Variants in GABRB3 observed in about 807,000 individuals in gnomAD.
GABRB3 encodes the protein gamma-aminobutyric acid receptor subunit beta-3.
Under a neutral mutation model 52.1 loss-of-function variants are expected in GABRB3, and 14 were observed. The ratio of observed to expected loss-of-function variants is 0.27; its 90% CI spans 0.18 to 0.42. The LOEUF (loss-of-function observed/expected upper bound fraction) is 0.42, where lower values mean the gene tolerates loss of function less well. Among genes scored for constraint, GABRB3 ranks in the 10% least tolerant of loss-of-function variants. The probability of loss-of-function intolerance (pLI) is 1.00; values close to 1 mark genes in which losing one functional copy is unlikely to be tolerated. For missense variants in GABRB3, 307 were observed against 609.1 expected (o/e 0.50, Z 5.22); for synonymous variants, 260 against 232.3 (o/e 1.12, Z -1.08).
At chr15:26,548,198 G>A (rs950713431) in intron 8 of GABRB3, 64 bp from the exon 9 acceptor site, 66 of 1,268,942 alleles carry the variant, frequency 5.2e-5, no homozygotes, top group Non-Finnish European at 6.8e-5. Flanking sequence ...TGCAGATCCC[G>A]GACAGAATGA....
At chr15:26,596,050 G>A (rs72702155) in intron 4 of GABRB3, among the ~76,000 whole-genome samples, 1 of 151,952 alleles carries the variant, frequency 6.6e-6, no homozygotes, top group Admixed American at 6.6e-5. Flanking sequence ...TCAGCCTTTG[G>A]GGGTAGGCAT....
intron 6 of GABRB3, 152 bp from the exon 7 acceptor site, chr15:26,567,885 G>A (rs576521138): frequency 6.9e-6 from 5 of 720,910 alleles, no homozygotes; most frequent in South Asian, 4.9e-5. Context: ...GTCTGCTAGC[G>A]GTATTTATAG....
rs146431931 is a variant in GABRB3, at chr15:26,580,374, C to A, written c.627G>T (p.Pro209=). 1 of 1,614,130 alleles carries A rather than the reference C, an allele frequency of 6.2e-7. No homozygotes were observed. Among genetic ancestry groups the A allele is most frequent in the Non-Finnish European group, 8.5e-7 (1 of 1,180,034 alleles). The part of the protein sequence containing the change: ...AVTGVERIEL[P]QFSIVEHRLV... ...GACGGTGCTCCACGATGGAGAACTG[C>A]GGGAGCTCAATCCTTTCCACTCCGG... The change falls in exon 6 of 9, where the codon CCG becomes CCT. Residue 209 remains proline (P), a synonymous_variant. Coordinates refer to ENST00000311550, the MANE Select transcript of GABRB3 (RefSeq NM_000814.6).
intron 3 of GABRB3, among the ~76,000 whole-genome samples, chr15:26,683,570 G>A (rs1203810070): frequency 1.3e-5 from 2 of 152,236 alleles, no homozygotes; most frequent in Non-Finnish European, 2.9e-5. Context: ...GATTGTCGTA[G>A]CAGAGAAGAC....
intron 3 of GABRB3, among the ~76,000 whole-genome samples, chr15:26,743,272 T>C (rs1246922887): frequency 6.6e-6 from 1 of 152,126 alleles, no homozygotes; most frequent in African/African-American, 2.4e-5. Context: ...AAATAGACAA[T>C]ACTCTTTTCT....
chr15:26,676,528 A>C (rs1888075180), intron 3 of GABRB3, among the ~76,000 whole-genome samples: 1 of 152,218 alleles, frequency 6.6e-6, no homozygotes, highest in Non-Finnish European at 1.5e-5. Context: ...ACAGGGGCAG[A>C]ACTGCCATTT....
rs79240385 is a variant in GABRB3, at chr15:26,565,905, T to C, written c.835+1676A>G. Among the ~76,000 whole-genome samples the C allele has an allele frequency of 8.1e-3, 1,241 of 152,346 alleles. 21 individuals are homozygous for C. The highest frequency in any genetic ancestry group is 0.024 in the African/African-American group (1,001 of 41,582). On this transcript the variant is annotated intron_variant, in intron 7 of 8. Transcript: ENST00000311550. The stretch of plus-strand genomic sequence containing the variant: ...AGGGGTCCCAGCAACTTTGTATTTG[T>C]ATATTTCATATTATTTTTCTTAAAA...
At chr15:26,744,218 T>A (rs4906689) in intron 3 of GABRB3, among the ~76,000 whole-genome samples, 128,277 of 152,154 alleles carry the variant, frequency 0.84, 54,602 homozygotes, top group East Asian at 1. Flanking sequence ...CGGTTGAGTA[T>A]TTGAATTTGA....
At chr15:26,576,132 T>C (rs1298334723) in intron 6 of GABRB3, among the ~76,000 whole-genome samples, 1 of 152,252 alleles carries the variant, frequency 6.6e-6, no homozygotes, top group Non-Finnish European at 1.5e-5. Flanking sequence ...GATTTTTAGC[T>C]GAATATGTTT....
At chr15:26,615,796 G>C (rs1004253896) in intron 4 of GABRB3, 4 of 1,181,258 alleles carry the variant, frequency 3.4e-6, no homozygotes, top group African/African-American at 1.6e-5. Flanking sequence ...GCTACTGCTG[G>C]ATAGACAAGG....
rs148266030 is a variant in GABRB3, at chr15:26,686,227, G to A, written c.241-64693C>T. Among the ~76,000 whole-genome samples, 35 of 152,284 alleles carry A rather than the reference G, an allele frequency of 2.3e-4. No homozygotes were observed. In the East Asian group the frequency reaches 6.4e-3, roughly 28 times the overall value. On this transcript the variant is annotated intron_variant, in intron 3 of 8. Coordinates refer to ENST00000311550, the MANE Select transcript of GABRB3 (RefSeq NM_000814.6). ...CTCAAGTTGCTGGGATTACAGGCGT[G>A]AGCCACTGCACCCAGCTCTAAGCTG...
intron 3 of GABRB3, among the ~76,000 whole-genome samples, chr15:26,757,976 G>A (rs544846052): frequency 6.6e-6 from 1 of 152,080 alleles, no homozygotes; most frequent in African/African-American, 2.4e-5. Context: ...CCATCTCAAC[G>A]GGCTCCACTA....
At chr15:26,656,142 G>A (rs557975617) in intron 3 of GABRB3, among the ~76,000 whole-genome samples, 2 of 152,222 alleles carry the variant, frequency 1.3e-5, no homozygotes, top group African/African-American at 4.8e-5. Context: ...GTCAGGCCGC[G>A]TGGTACAGGT....
At chr15:26,567,884 C>T (rs186769125) in intron 6 of GABRB3, 151 bp from the exon 7 acceptor site, 62 of 727,648 alleles carry the variant, frequency 8.5e-5, no homozygotes, top group African/African-American at 8.4e-4. Flanking sequence ...TGTCTGCTAG[C>T]GGTATTTATA....
At chr15:26,573,247 T>C (rs1184167456) in intron 6 of GABRB3, among the ~76,000 whole-genome samples, 1 of 152,224 alleles carries the variant, frequency 6.6e-6, no homozygotes, top group African/African-American at 2.4e-5. Context: ...ATATGATTCA[T>C]TTATTATCTA....
intron 3 of GABRB3, among the ~76,000 whole-genome samples, chr15:26,670,418 C>T (rs1887859106): frequency 6.6e-6 from 1 of 152,142 alleles, no homozygotes; most frequent in South Asian, 2.1e-4. Flanking sequence ...AGGGTCGTGG[C>T]TGGCTGCGGA....
chr15:26,646,137 A>G (rs9920143), intron 3 of GABRB3, among the ~76,000 whole-genome samples: 63,211 of 151,902 alleles, frequency 0.42, 14,156 homozygotes, highest in East Asian at 0.9. Flanking sequence ...ATTGACAGTC[A>G]TGCATCCATG....
chr15:26,629,672 C>T (rs976333511), intron 3 of GABRB3, among the ~76,000 whole-genome samples: 2 of 152,248 alleles, frequency 1.3e-5, no homozygotes, highest in Non-Finnish European at 1.5e-5. Flanking sequence ...TCTCACATCA[C>T]CAAACTCTTC....
chr15:26,739,408 A>G (rs1347243443), intron 3 of GABRB3, among the ~76,000 whole-genome samples: 2 of 152,082 alleles, frequency 1.3e-5, no homozygotes, highest in Admixed American at 1.3e-4. Flanking sequence ...GACAAAAACT[A>G]CTTGTTTATA....
Sources: gnomAD v4.1 joint callset for allele counts (sites outside exome capture counted in the v4.1 genomes callset) on GRCh38, gnomAD v4.1.1 for gene constraint, MANE v1.5 for transcripts, NCBI Gene and HGNC (gene_info 2026-07-23, HGNC 2026-07-21) for gene names.